Variants in COBL observed in about 807,000 individuals in gnomAD.
The protein encoded by COBL is cordon-bleu WH2 repeat protein.
COBL carries 51 observed loss-of-function variants against 98.8 expected under a neutral mutation model. The observed-to-expected ratio is 0.52, with a 90% confidence interval of 0.41 to 0.65. The LOEUF (loss-of-function observed/expected upper bound fraction) is 0.65, where lower values mean the gene tolerates loss of function less well. Ranked by LOEUF, COBL falls within the 30% of genes least tolerant of loss-of-function variation. COBL has a pLI of 0.00. For missense variants in COBL, 1,617 were observed against 1,617.5 expected (o/e 1.00, Z 0.01); for synonymous variants, 634 against 651.7 (o/e 0.97, Z 0.41).
At chr7:51,194,112 A>G (rs964080993) in intron 2 of COBL, among the ~76,000 whole-genome samples, 2 of 151,990 alleles carry the variant, frequency 1.3e-5, no homozygotes, top group South Asian at 2.1e-4. Flanking sequence ...CCCACCCTCC[A>G]TCCTCTGAGA....
At position 51,316,804 on chromosome 7, in the gene COBL, G is replaced by T. The variant is rs1293585819; in HGVS notation, c.-171C>A. Reference sequence around the variant, plus strand: ...GCGGCGGACGGAAGGGGCTGGAATCGTCTCTAGCGGGCGGGGGCGCCGGGA... The same window carrying T: ...GCGGCGGACGGAAGGGGCTGGAATCTTCTCTAGCGGGCGGGGGCGCCGGGA... On this transcript the variant is annotated 5_prime_UTR_variant, in exon 1 of 13. Coordinates refer to ENST00000265136, the MANE Select transcript of COBL (RefSeq NM_015198.5). The T allele has an allele frequency of 4.0e-5, 18 of 450,342 alleles. No homozygotes were observed. Among genetic ancestry groups the T allele is most frequent in the African/African-American group, 3.3e-4 (16 of 47,828 alleles). 27.9% of individuals were successfully genotyped at this position (450,342 alleles called of 1,614,324 possible).
At chr7:51,077,090 G>A (rs954968182) in intron 7 of COBL, among the ~76,000 whole-genome samples, 1 of 152,090 alleles carries the variant, frequency 6.6e-6, no homozygotes, top group Non-Finnish European at 1.5e-5. Context: ...ATCAAATGGC[G>A]GCAGAAAGCA....
rs75820161 is a variant in COBL at position 51,017,764 on chromosome 7, C to T, written c.3769-196G>A. On this transcript the variant is annotated intron_variant, in intron 12 of 12. Transcript: ENST00000265136. ...AGACCTTCTCACGCTCCAGCTTCCT[C>T]GTAAAAGCTGCCAGGGAAGGACGAC... is the stretch of plus-strand genomic sequence containing the variant. Among the ~76,000 whole-genome samples the T allele has an allele frequency of 2.6e-5, 4 of 152,288 alleles. No homozygotes were observed. In the East Asian group the frequency reaches 5.8e-4, roughly 22 times the overall value.
In COBL at chr7:51,288,837, G is replaced by T. The variant is rs73330637; in HGVS notation, c.41+27756C>A. ...AATTCAAATACTAGTCTTCAAGATG[G>T]ATATCTATGGAAATACTCTTCTACC... On this transcript the variant is annotated intron_variant, in intron 1 of 12. Coordinates refer to ENST00000265136, the MANE Select transcript of COBL (RefSeq NM_015198.5). Among the ~76,000 whole-genome samples the T allele has an allele frequency of 7.5e-3, 884 of 118,216 alleles. 14 individuals are homozygous for T. The highest frequency in any genetic ancestry group is 0.03 in the African/African-American group (828 of 27,264). 77.6% of individuals were successfully genotyped at this position (118,216 alleles called of 152,430 possible). A position where few individuals can be genotyped will look rare whatever the true frequency, so the allele number is the denominator to read the frequency against.
Position 51,316,618 on chromosome 7 carries a change from C to G in COBL, c.16G>C (p.Ala6Pro). The G allele has an allele frequency of 8.3e-7, 1 of 1,202,398 alleles. No homozygotes were observed. Among genetic ancestry groups the G allele is most frequent in the Non-Finnish European group, 1.0e-6 (1 of 969,062 alleles). 74.5% of individuals were successfully genotyped at this position (1,202,398 alleles called of 1,614,324 possible). A position where few individuals can be genotyped will look rare whatever the true frequency, so the allele number is the denominator to read the frequency against. Residue 6 changes from alanine to proline, a missense_variant, in exon 1 of 13, where the codon GCC (alanine) becomes CCC (proline). Coordinates refer to ENST00000265136, the MANE Select transcript of COBL (RefSeq NM_015198.5). MDAPR[A>P]SAAKPPTGRK... is the part of the protein sequence containing the mutation. ...CCGGTCGGGGGCTTGGCCGCCGAGG[C>G]GCGCGGCGCGTCCATGGTGCCGGGG...
At position 51,316,708 on chromosome 7, in the gene COBL, C is replaced by T; in HGVS notation, c.-75G>A. On this transcript the variant is annotated 5_prime_UTR_variant, in exon 1 of 13. Coordinates refer to ENST00000265136, the MANE Select transcript of COBL (RefSeq NM_015198.5). ...CGCTGGCTACCGCCGCCACCGCTGCCGCCCTCATTCACTTTTTCCGCGCTG... is the reference window on the plus strand; with the variant it reads ...CGCTGGCTACCGCCGCCACCGCTGCTGCCCTCATTCACTTTTTCCGCGCTG... 4 of 1,085,490 alleles carry T rather than the reference C, an allele frequency of 3.7e-6. No individual in the cohort carries two copies. The highest frequency in any genetic ancestry group is 4.6e-6 in the Non-Finnish European group (4 of 865,386). 67.2% of individuals were successfully genotyped at this position (1,085,490 alleles called of 1,614,324 possible).
In COBL at chr7:51,029,106, C is replaced by G. The variant is rs369112275; in HGVS notation, c.1990G>C (p.Glu664Gln). 61 of 1,614,080 alleles carry G rather than the reference C, an allele frequency of 3.8e-5. No individual in the cohort carries two copies. The African/African-American group carries it at 7.6e-4, about 20-fold the overall frequency. Residue 664 changes from glutamate to glutamine, a missense_variant, in exon 10 of 13, where the codon GAG becomes CAG. Physicochemically the swap from Glu to Gln is conservative, Grantham distance 29. Around this residue, in one of 3 missense-constraint regions of COBL, gnomAD observed 1,304 missense variants for 1,282.0 expected, o/e 1.02. Coordinates refer to ENST00000265136, the MANE Select transcript of COBL (RefSeq NM_015198.5). Reference sequence around the variant, plus strand: ...TTCACCGGTTGGGAATTCACTCTCTCTGTGGCTTGAGTCCTCTCCCCGTCA... The same window carrying G: ...TTCACCGGTTGGGAATTCACTCTCTGTGTGGCTTGAGTCCTCTCCCCGTCA... Reference protein sequence around the residue: ...CADGERTQATERVNSQPVNEK... With the variant: ...CADGERTQATQRVNSQPVNEK...
At chr7:51,170,472 ATTAAC>A (rs1787741654) in intron 5 of COBL, among the ~76,000 whole-genome samples, 1 of 148,214 alleles carries the variant, frequency 6.7e-6, no homozygotes, top group Non-Finnish European at 1.5e-5. Context: ...AAACTTTATA[ATTAAC>A]TTAGCTCTGA....
intron 6 of COBL, among the ~76,000 whole-genome samples, chr7:51,104,764 T>C (rs1796105717): frequency 6.6e-6 from 1 of 152,138 alleles, no homozygotes; most frequent in African/African-American, 2.4e-5. Context: ...ACCAGGGTCC[T>C]GAGAGAATTC....
At chr7:51,126,912 C>T (rs555623885) in intron 6 of COBL, among the ~76,000 whole-genome samples, 1 of 152,316 alleles carries the variant, frequency 6.6e-6, no homozygotes, top group African/African-American at 2.4e-5. Context: ...CCATTCGTCT[C>T]GCATGAGCCT....
rs62448319 is a variant in COBL, at chr7:51,214,440, G to A, written c.245+5301C>T. Among the ~76,000 whole-genome samples the A allele has an allele frequency of 1.7e-3, 260 of 152,226 alleles. 2 individuals carry two copies. The highest frequency in any genetic ancestry group is 3.3e-3 in the Non-Finnish European group (225 of 68,014). ...GTTACCTGGACAGGTGTGAACAGGC[G>A]ATCTCAGACATGGAGTGCATTCTGG... On this transcript the variant is annotated intron_variant, in intron 2 of 12. Transcript: ENST00000265136.
At chr7:51,196,075 T>G (rs1790562665) in intron 2 of COBL, among the ~76,000 whole-genome samples, 1 of 152,122 alleles carries the variant, frequency 6.6e-6, no homozygotes, top group African/African-American at 2.4e-5. Flanking sequence ...TGTTTTATGC[T>G]GGTTTTCAAG....
intron 1 of COBL, among the ~76,000 whole-genome samples, chr7:51,298,813 C>T (rs1801649531): frequency 6.6e-6 from 1 of 152,218 alleles, no homozygotes; most frequent in Admixed American, 6.5e-5. Flanking sequence ...ACTGTACCAT[C>T]CAAAACTGTA....
At chr7:51,229,497 C>T (rs2129102254) in intron 1 of COBL, among the ~76,000 whole-genome samples, 1 of 152,304 alleles carries the variant, frequency 6.6e-6, no homozygotes, top group East Asian at 1.9e-4. Flanking sequence ...CGTCCACCAC[C>T]TTCTTGGAGT....
intron 2 of COBL, among the ~76,000 whole-genome samples, chr7:51,215,392 T>C (rs1255819024): frequency 1.3e-5 from 2 of 152,186 alleles, no homozygotes; most frequent in African/African-American, 2.4e-5. Context: ...TCAGCTTTGT[T>C]TGGATTAAGC....
In COBL at chr7:51,029,503, G is replaced by GATC; in HGVS notation, c.1590_1592dup (p.Met530dup). The GATC allele has an allele frequency of 6.2e-7, 1 of 1,614,056 alleles. No individual in the cohort carries two copies. Among genetic ancestry groups the GATC allele is most frequent in the African/African-American group, 1.3e-5 (1 of 75,050 alleles). On this transcript the variant is annotated inframe_insertion, in exon 10 of 13. Coordinates refer to ENST00000265136, the MANE Select transcript of COBL (RefSeq NM_015198.5). Reference sequence around the variant, plus strand: ...GGATTGCATCTGTGTCGCCGTGAGGGATCATGGCATCCTGTGGGCAGTGGT... The same window carrying GATC: ...GGATTGCATCTGTGTCGCCGTGAGGGATCATCATGGCATCCTGTGGGCAGTGGT...
chr7:51,090,883 T>G (rs1249189108), intron 6 of COBL, among the ~76,000 whole-genome samples: 1 of 152,244 alleles, frequency 6.6e-6, no homozygotes, highest in Non-Finnish European at 1.5e-5. Flanking sequence ...CCAGAAAATC[T>G]GCAGTACCAT....
intron 1 of COBL, among the ~76,000 whole-genome samples, chr7:51,286,165 A>G (rs1271539620): frequency 6.6e-6 from 1 of 152,134 alleles, no homozygotes; most frequent in East Asian, 1.9e-4. Context: ...AGAAACATCC[A>G]AGAAAATATT....
chr7:51,283,578 G>A (rs1800001294), intron 1 of COBL, among the ~76,000 whole-genome samples: 1 of 152,106 alleles, frequency 6.6e-6, no homozygotes, highest in African/African-American at 2.4e-5. Flanking sequence ...TGTGCCTCCT[G>A]GGTTCAAGCA....
Sources: allele counts gnomAD v4.1 joint callset (sites outside exome capture counted in the v4.1 genomes callset), GRCh38; gene constraint gnomAD v4.1.1; regional missense constraint gnomAD v4.1.1; transcripts MANE v1.5; gene names NCBI Gene and HGNC (gene_info 2026-07-23, HGNC 2026-07-21).